CCDC102B: variants seen among roughly 807,000 people sequenced by gnomAD.
The protein encoded by CCDC102B is coiled-coil domain-containing protein 102B.
A neutral mutation model predicts 57.4 loss-of-function variants in CCDC102B; 75 were observed. That is an observed-to-expected ratio of 1.31 (90% CI 1.08 to 1.58). The LOEUF (loss-of-function observed/expected upper bound fraction) is 1.58. CCDC102B is among the 40% of genes most tolerant of loss of function. The pLI, the probability that CCDC102B is intolerant of heterozygous loss-of-function variation, is 0.00. For missense variants in CCDC102B, 636 were observed against 582.6 expected (o/e 1.09, Z -0.94); for synonymous variants, 206 against 201.9 (o/e 1.02, Z -0.17).
At chr18:68,863,742 A>G (rs2038858281) in intron 4 of CCDC102B, among the ~76,000 whole-genome samples, 2 of 151,954 alleles carry the variant, frequency 1.3e-5, no homozygotes, top group Admixed American at 6.6e-5. Context: ...TAGTATCAAT[A>G]TTAAGACATG....
At chr18:68,924,376 C>T (rs1222468407) in intron 6 of CCDC102B, among the ~76,000 whole-genome samples, 1 of 151,918 alleles carries the variant, frequency 6.6e-6, no homozygotes, top group Non-Finnish European at 1.5e-5. Flanking sequence ...GGGGCTTTTC[C>T]CCCTACCTCC....
chr18:68,765,195 G>A lies in CCDC102B; in HGVS notation c.-67+48601G>A, dbSNP rs190063875. Among the ~76,000 whole-genome samples, 417 of 150,770 alleles carry A rather than the reference G, an allele frequency of 2.8e-3. 1 individual carries two copies. Among genetic ancestry groups the A allele is most frequent in the African/African-American group, 9.7e-3 (399 of 41,008 alleles). On this transcript the variant is annotated intron_variant, in intron 2 of 3. Transcript: ENST00000578970. ...GCTATAATAGTGCCAACACACTCCAGCCTGGGTGTCAGAGTGAGAATTTGT... is the reference window on the plus strand; with the variant it reads ...GCTATAATAGTGCCAACACACTCCAACCTGGGTGTCAGAGTGAGAATTTGT...
intron 6 of CCDC102B, among the ~76,000 whole-genome samples, chr18:68,939,779 T>C (rs997948158): frequency 2.8e-4 from 42 of 151,938 alleles, no homozygotes; most frequent in Middle Eastern, 3.4e-3. Flanking sequence ...AGATAAAAAC[T>C]TGAATAAAAA....
At chr18:68,935,725 G>A (rs773587113) in intron 6 of CCDC102B, among the ~76,000 whole-genome samples, 10 of 151,936 alleles carry the variant, frequency 6.6e-5, no homozygotes, top group African/African-American at 9.7e-5. Context: ...TCAGAAGTCA[G>A]GGACAGGCCT....
intron 4 of CCDC102B, among the ~76,000 whole-genome samples, chr18:68,873,867 T>C (rs1314020129): frequency 6.6e-6 from 1 of 151,600 alleles, no homozygotes; most frequent in Non-Finnish European, 1.5e-5. Flanking sequence ...AAAATATATG[T>C]CAATACAACA....
At chr18:68,849,911 G>A (rs564572154) in intron 4 of CCDC102B, among the ~76,000 whole-genome samples, 1 of 152,216 alleles carries the variant, frequency 6.6e-6, no homozygotes, top group East Asian at 1.9e-4. Flanking sequence ...GGTTCTCAGA[G>A]GTTCACTCAG....
rs942538817 is a variant in CCDC102B at position 68,867,582 on chromosome 18, T to A, written c.937-7087T>A. The stretch of plus-strand genomic sequence containing the variant: ...GCCTTTAACACCTACACAGCATTAT[T>A]GAAAGAAGAGAGAGGAGGTGTGGAA... On this transcript the variant is annotated intron_variant, in intron 4 of 7. Coordinates refer to ENST00000360242, the MANE Select transcript of CCDC102B (RefSeq NM_024781.3). Among the ~76,000 whole-genome samples the A allele has an allele frequency of 7.0e-4, 107 of 151,980 alleles. 1 individual carries two copies. Among genetic ancestry groups the A allele is most frequent in the Non-Finnish European group, 3.5e-4 (24 of 67,992 alleles).
intron 2 of CCDC102B, chr18:68,754,246 G>T (rs182388530): frequency 6.6e-6 from 1 of 152,004 alleles, no homozygotes; most frequent in African/African-American, 2.4e-5. Flanking sequence ...TTAAAATCCC[G>T]TTTAAACATC....
chr18:68,857,303 A>T (rs1170302431), intron 4 of CCDC102B, among the ~76,000 whole-genome samples: 15 of 4,846 alleles, frequency 3.1e-3, no homozygotes, highest in Admixed American at 7.6e-3. Context: ...TTATATATAT[A>T]ATATATATTT....
chr18:68,916,577 G>A (rs2041081689), intron 6 of CCDC102B, among the ~76,000 whole-genome samples: 2 of 152,184 alleles, frequency 1.3e-5, no homozygotes, highest in Non-Finnish European at 2.9e-5. Context: ...GGGAAAACTA[G>A]AAGGAAGCTG....
At position 68,950,131 on chromosome 18, in the gene CCDC102B, A is replaced by G. The variant is rs375105428; in HGVS notation, c.1263+52703A>G. Among the ~76,000 whole-genome samples the G allele has an allele frequency of 3.3e-5, 5 of 152,272 alleles. No individual in the cohort carries two copies. In the East Asian group the frequency reaches 9.7e-4, roughly 29 times the overall value. Reference sequence around the variant, plus strand: ...ACAATCCTTAGTTTCAGGATTCAGCAAGAGTTGAACTTGCTTAGGACCCTT... The same window carrying G: ...ACAATCCTTAGTTTCAGGATTCAGCGAGAGTTGAACTTGCTTAGGACCCTT... On this transcript the variant is annotated intron_variant, in intron 6 of 7. Transcript: ENST00000360242.
In CCDC102B at chr18:68,837,383, C is replaced by A; in HGVS notation, c.606+14C>A. The A allele has an allele frequency of 2.5e-6, 4 of 1,593,162 alleles. No homozygotes were observed. Among genetic ancestry groups the A allele is most frequent in the South Asian group, 1.1e-5 (1 of 87,560 alleles). On this transcript the variant is annotated intron_variant, in intron 2 of 7. Coordinates refer to ENST00000360242, the MANE Select transcript of CCDC102B (RefSeq NM_024781.3). ...ACAAATAATAAGGTAAGAAAAAAAT[C>A]CAGAGATGATGTGAATTTCTGAAGG...
intron 1 of CCDC102B, among the ~76,000 whole-genome samples, chr18:68,825,297 C>T (rs1410769080): frequency 2.6e-5 from 4 of 152,140 alleles, no homozygotes; most frequent in Admixed American, 6.6e-5. Flanking sequence ...TTTTCTCATG[C>T]TATTGTATTT....
At chr18:68,729,380 T>C (rs1004068027) in intron 2 of CCDC102B, among the ~76,000 whole-genome samples, 7 of 152,184 alleles carry the variant, frequency 4.6e-5, no homozygotes, top group African/African-American at 1.7e-4. Context: ...AAAGTCCAAG[T>C]ATATCCAAGA....
At chr18:68,791,984 A>G (rs2144662801) in intron 2 of CCDC102B, among the ~76,000 whole-genome samples, 1 of 152,288 alleles carries the variant, frequency 6.6e-6, no homozygotes, top group African/African-American at 2.4e-5. Context: ...ACTGGTAGCT[A>G]GTAGGTGGCA....
chr18:69,037,538 G>A (rs1454391776), intron 7 of CCDC102B, among the ~76,000 whole-genome samples: 1 of 151,920 alleles, frequency 6.6e-6, no homozygotes. Flanking sequence ...TGGTTGAAAT[G>A]CAAAAATTTT....
At chr18:68,801,661 G>A (rs947084414) in intron 1 of CCDC102B, among the ~76,000 whole-genome samples, 8 of 152,068 alleles carry the variant, frequency 5.3e-5, no homozygotes, top group African/African-American at 1.7e-4. Flanking sequence ...AAAAATAAAA[G>A]TGAGATTTTT....
At chr18:68,794,701 A>T (rs1240228867), upstream of CCDC102B, among the ~76,000 whole-genome samples, 1 of 152,138 alleles carries the variant, frequency 6.6e-6, no homozygotes, top group African/African-American at 2.4e-5. Flanking sequence ...AGTGATTGTT[A>T]TATGATATGG....
chr18:68,917,208 G>T, intron 6 of CCDC102B, among the ~76,000 whole-genome samples: 1 of 151,882 alleles, frequency 6.6e-6, no homozygotes, highest in African/African-American at 2.4e-5. Context: ...TAAGTGTCTT[G>T]GGGTGAAGGG....
Sources: gnomAD v4.1 joint callset for allele counts (sites outside exome capture counted in the v4.1 genomes callset) on GRCh38, gnomAD v4.1.1 for gene constraint, MANE v1.5 for transcripts, NCBI Gene and HGNC (gene_info 2026-07-23, HGNC 2026-07-21) for gene names.